SRSF4: variants seen among roughly 807,000 people sequenced by gnomAD.
SRSF4 encodes the protein serine and arginine rich splicing factor 4.
A neutral mutation model predicts 48.8 loss-of-function variants in SRSF4; 12 were observed. The observed-to-expected ratio is 0.25, with a 90% confidence interval of 0.16 to 0.40. The LOEUF is 0.40. Among genes scored for constraint, SRSF4 ranks in the 10% least tolerant of loss-of-function variants. SRSF4 has a pLI of 1.00. For synonymous variants in SRSF4, 248 were observed against 232.5 expected, an observed-to-expected ratio of 1.07 and a Z score of -0.61; for missense variants, 466 against 667.1, an observed-to-expected ratio of 0.70 and a Z score of 3.32.
intron 1 of SRSF4, among the ~76,000 whole-genome samples, chr1:29,180,851 G>A (rs1159760912): frequency 6.6e-6 from 1 of 152,204 alleles, no homozygotes; most frequent in Non-Finnish European, 1.5e-5. Flanking sequence ...CTCTGGGGGA[G>A]GCAGTAAGTT....
At position 29,149,148 on chromosome 1, in the gene SRSF4, G is replaced by C; in HGVS notation, c.747C>G (p.Ser249Arg). ...RSRSKKEKSR[S>R]PSKEKSRSRS... ...GGCTGCGGCTCTTTTCCTTGCTGGG[G>C]CTCCTGCTTTTCTCTTTCTTGCTCC... The change falls in exon 6 of 6, where the codon AGC (serine) becomes AGG (arginine). Residue 249 changes from serine to arginine, a missense_variant. Physicochemically the swap from Ser to Arg is moderately radical, Grantham distance 110 (BLOSUM62 -1). Coordinates refer to ENST00000373795, the MANE Select transcript of SRSF4 (RefSeq NM_005626.5). 3 of 1,607,148 alleles carry C rather than the reference G, an allele frequency of 1.9e-6. No homozygotes were observed. Among genetic ancestry groups the C allele is most frequent in the Non-Finnish European group, 2.5e-6 (3 of 1,176,492 alleles).
intron 1 of SRSF4, among the ~76,000 whole-genome samples, chr1:29,168,091 C>T (rs1194031117): frequency 1.3e-5 from 2 of 151,608 alleles, no homozygotes; most frequent in Non-Finnish European, 1.5e-5. Flanking sequence ...TCTCCACTCA[C>T]TGCAACCTCT....
At chr1:29,180,221 G>C (rs1248874079) in intron 1 of SRSF4, among the ~76,000 whole-genome samples, 2 of 151,944 alleles carry the variant, frequency 1.3e-5, no homozygotes, top group Non-Finnish European at 1.5e-5. Context: ...ACAAAAGTTA[G>C]TTATGCTGTC....
At chr1:29,167,547 G>C (rs574092308) in intron 1 of SRSF4, among the ~76,000 whole-genome samples, 2 of 152,184 alleles carry the variant, frequency 1.3e-5, no homozygotes, top group Non-Finnish European at 2.9e-5. Context: ...ACCACGCCCA[G>C]CTAATTTTTA....
At chr1:29,180,712 C>G (rs900321397) in intron 1 of SRSF4, among the ~76,000 whole-genome samples, 5 of 152,264 alleles carry the variant, frequency 3.3e-5, no homozygotes, top group African/African-American at 1.2e-4. Context: ...TACCTAACAT[C>G]TGGTTCCCAG....
chr1:29,163,456 C>T (rs1448052652), intron 1 of SRSF4, among the ~76,000 whole-genome samples: 8 of 152,188 alleles, frequency 5.3e-5, no homozygotes, highest in Non-Finnish European at 1.0e-4. Flanking sequence ...TCGCATACAA[C>T]AAACCATATC....
chr1:29,164,426 CTT>C (rs767275287), intron 1 of SRSF4, among the ~76,000 whole-genome samples: 1 of 152,358 alleles, frequency 6.6e-6, no homozygotes, highest in Non-Finnish European at 1.5e-5. Context: ...AAACAAATCT[CTT>C]TTCTCAGAAA....
In SRSF4 at chr1:29,150,158, T is replaced by C. The variant is rs759577802; in HGVS notation, c.613A>G (p.Arg205Gly). The C allele has an allele frequency of 3.7e-6, 6 of 1,614,068 alleles. No individual in the cohort carries two copies. Among genetic ancestry groups the C allele is most frequent in the South Asian group, 1.1e-5 (1 of 91,084 alleles). Residue 205 changes from arginine (R) to glycine (G), a missense_variant, in exon 5 of 6, where the codon AGA (arginine) becomes GGA (glycine). Arg to Gly is a moderately radical substitution (Grantham distance 125). Coordinates refer to ENST00000373795, the MANE Select transcript of SRSF4 (RefSeq NM_005626.5). ...CTTTTGCTGCTGCCACTTCGGCTTC[T>C]GCTCTTACGGGAATGTCTGCTTCGA... ...RSRSRHSRKS[R>G]SRSGSSKSSH...
At chr1:29,173,958 G>A (rs1672793545) in intron 1 of SRSF4, among the ~76,000 whole-genome samples, 9 of 151,824 alleles carry the variant, frequency 5.9e-5, no homozygotes, top group Admixed American at 5.9e-4. Flanking sequence ...GGAGGATGAG[G>A]TGGGCGGATC....
At chr1:29,170,966 CTT>C (rs1672737298) in intron 1 of SRSF4, 1 of 152,184 alleles carries the variant, frequency 6.6e-6, no homozygotes, top group Admixed American at 6.5e-5. Flanking sequence ...GCCTGGGAGA[CTT>C]TCATCTCAAC....
chr1:29,178,642 G>C (rs1198493739), intron 1 of SRSF4, among the ~76,000 whole-genome samples: 1 of 152,034 alleles, frequency 6.6e-6, no homozygotes, highest in Non-Finnish European at 1.5e-5. Context: ...AGGCCACCGC[G>C]CCCGGCCTCT....
At chr1:29,181,510 G>T in intron 1 of SRSF4, 136 bp downstream of exon 1, 2 of 704,858 alleles carry the variant, frequency 2.8e-6, no homozygotes, top group African/African-American at 1.9e-5. Flanking sequence ...CCCCCGAGGC[G>T]CCGCCACTAT....
intron 1 of SRSF4, chr1:29,173,526 G>A (rs1324356205): frequency 7.1e-6 from 1 of 140,146 alleles, no homozygotes; most frequent in Non-Finnish European, 1.5e-5. Flanking sequence ...GAGTGCAATG[G>A]TGCAATCTCG....
chr1:29,180,447 G>A (rs1672937826), intron 1 of SRSF4, among the ~76,000 whole-genome samples: 1 of 152,142 alleles, frequency 6.6e-6, no homozygotes, highest in Non-Finnish European at 1.5e-5. Context: ...ATTTGAAATG[G>A]CTTTTTAAAC....
rs551100181 is a variant in SRSF4, at chr1:29,150,109, C to T, written c.662G>A (p.Arg221Gln). 8.7e-6 allele frequency: 14 copies of T among 1,613,374 alleles called. No individual in the cohort carries two copies. Among genetic ancestry groups the T allele is most frequent in the Non-Finnish European group, 9.3e-6 (11 of 1,179,660 alleles). The change falls in exon 5 of 6, where the codon CGG becomes CAG. Residue 221 changes from arginine to glutamine, a missense_variant. Arg to Gln is a conservative substitution (Grantham distance 43). Around this residue, in one of 2 missense-constraint regions of SRSF4, gnomAD observed 402 missense variants for 437.0 expected, o/e 0.92. Transcript: ENST00000373795. Reference protein sequence around the residue: ...SKSSHSKSRSRSRSGSRSRSK... With the variant: ...SKSSHSKSRSQSRSGSRSRSK... ...TATAACATGGAAGACATACCTGGAC[C>T]GAGATCTACTCTTAGAATGACTGCT...
At chr1:29,167,861 GTAT>G (rs1413721363) in intron 1 of SRSF4, among the ~76,000 whole-genome samples, 1 of 152,156 alleles carries the variant, frequency 6.6e-6, no homozygotes, top group Non-Finnish European at 1.5e-5. Flanking sequence ...TGTGAAGAAT[GTAT>G]TATTATTCTT....
At chr1:29,167,430 G>A (rs1672683550) in intron 1 of SRSF4, among the ~76,000 whole-genome samples, 1 of 152,228 alleles carries the variant, frequency 6.6e-6, no homozygotes, top group Admixed American at 6.5e-5. Context: ...TGTTGCCCAG[G>A]CTGGAGTGCA....
intron 2 of SRSF4, 79 bp from the exon 3 acceptor site, chr1:29,159,565 A>C: frequency 1.2e-6 from 1 of 840,818 alleles, no homozygotes; most frequent in Non-Finnish European, 1.8e-6. Context: ...CCCCCCCTTA[A>C]ATATATTATT....
intron 1 of SRSF4, among the ~76,000 whole-genome samples, chr1:29,179,516 C>T (rs765280868): frequency 1.2e-4 from 19 of 152,018 alleles, no homozygotes; most frequent in South Asian, 1.0e-3. Context: ...AGTGTCACCA[C>T]GCGTGGCTAA....
Sources: gnomAD v4.1 joint callset for allele counts (sites outside exome capture counted in the v4.1 genomes callset) on GRCh38, gnomAD v4.1.1 for gene constraint, gnomAD v4.1.1 regional missense constraint, MANE v1.5 for transcripts, NCBI Gene and HGNC (gene_info 2026-07-23, HGNC 2026-07-21) for gene names.